Variants in C2orf49 observed in about 807,000 individuals in gnomAD.
C2orf49 encodes tRNA-splicing ligase complex subunit ASW.
A neutral mutation model predicts 20.6 loss-of-function variants in C2orf49; 11 were observed. The observed-to-expected ratio is 0.53, with a 90% confidence interval of 0.34 to 0.88. C2orf49 has a LOEUF of 0.88. Among genes scored for constraint, C2orf49 ranks in the 40% least tolerant of loss-of-function variants. C2orf49 has a pLI of 0.02. For missense variants in C2orf49, 289 were observed against 274.2 expected (o/e 1.05, Z -0.38); for synonymous variants, 134 against 108.5 (o/e 1.24, Z -1.46).
chr2:105,343,573 A>G (rs1452283757), intron 3 of C2orf49, among the ~76,000 whole-genome samples: 4 of 152,162 alleles, frequency 2.6e-5, no homozygotes, highest in African/African-American at 9.7e-5. Flanking sequence ...ACATTAAGTA[A>G]TTTGTCCAGG....
the C2orf49 span, among the ~76,000 whole-genome samples, chr2:105,356,446 G>GT: frequency 2.0e-5 from 3 of 151,926 alleles, no homozygotes; most frequent in African/African-American, 7.3e-5. Context: ...ATGGTGGTGC[G>GT]TGCCTGTAGC....
At chr2:105,381,211 T>C in the C2orf49 span, among the ~76,000 whole-genome samples, 1 of 152,214 alleles carries the variant, frequency 6.6e-6, no homozygotes, top group African/African-American at 2.4e-5. Context: ...CTCAGCGTTA[T>C]GAAAAGATAT....
At chr2:105,373,605 G>A in the C2orf49 span, 11 of 1,614,118 alleles carry the variant, frequency 6.8e-6, no homozygotes, top group South Asian at 3.3e-5. Context: ...ATGAGTACTC[G>A]TTGGAATAGC....
the C2orf49 span, among the ~76,000 whole-genome samples, chr2:105,385,631 G>A: frequency 1.3e-5 from 2 of 152,318 alleles, no homozygotes; most frequent in East Asian, 1.9e-4. Context: ...TTTAGAAGCC[G>A]TTTGCGGGTG....
chr2:105,371,922 T>A, the C2orf49 span, among the ~76,000 whole-genome samples: 4 of 152,192 alleles, frequency 2.6e-5, no homozygotes, highest in Admixed American at 2.6e-4. Context: ...TCATTTGCAC[T>A]GTCGCACAGC....
chr2:105,368,784 C>T, the C2orf49 span, among the ~76,000 whole-genome samples: 1 of 152,150 alleles, frequency 6.6e-6, no homozygotes, highest in Non-Finnish European at 1.5e-5. Context: ...AACAAGTACC[C>T]TTCATATAAA....
chr2:105,379,401 A>G, the C2orf49 span, among the ~76,000 whole-genome samples: 1 of 152,220 alleles, frequency 6.6e-6, no homozygotes, highest in Admixed American at 6.5e-5. Flanking sequence ...CTGCCACCTT[A>G]AAGCTCCACG....
At chr2:105,367,557 G>T in the C2orf49 span, 2 of 1,605,612 alleles carry the variant, frequency 1.2e-6, no homozygotes, top group Non-Finnish European at 1.7e-6. Flanking sequence ...GGCCAAGGGG[G>T]CATCTGAGAT....
rs1456088385 is a variant in C2orf49, at chr2:105,348,990, C to T, written c.*3619C>T. On this transcript the variant is annotated 3_prime_UTR_variant, in exon 4 of 4. Coordinates refer to ENST00000258457, the MANE Select transcript of C2orf49 (RefSeq NM_024093.3). Reference sequence around the variant, plus strand: ...CTGGTGCTGGGATATCACGGTGCTACAGAGCCTGACATGTTGACTGTCACT... The same window carrying T: ...CTGGTGCTGGGATATCACGGTGCTATAGAGCCTGACATGTTGACTGTCACT... The T allele has an allele frequency of 6.6e-6, 1 of 152,068 alleles. No homozygotes were observed. The highest frequency in any genetic ancestry group is 2.4e-5 in the African/African-American group (1 of 41,376). The allele number at this position is 152,068 out of a possible 1,614,324, so 9.4% of individuals were successfully genotyped here.
At chr2:105,371,933 A>G in the C2orf49 span, among the ~76,000 whole-genome samples, 3 of 152,108 alleles carry the variant, frequency 2.0e-5, no homozygotes, top group Non-Finnish European at 4.4e-5. Flanking sequence ...GTCGCACAGC[A>G]CTGGGGCCCG....
chr2:105,342,938 G>C lies in C2orf49; in HGVS notation c.357G>C (p.Glu119Asp), dbSNP rs774752002. The change falls in exon 3 of 4, where the codon GAG becomes GAC. Residue 119 changes from glutamate to aspartate, a missense_variant. Physicochemically the swap from Glu to Asp is conservative, Grantham distance 45. Transcript: ENST00000258457. ...TSTSIKVKKTENGDNDRLKPP... is the reference protein window; with the variant it reads ...TSTSIKVKKTDNGDNDRLKPP... ...CAAGCATAAAAGTGAAAAAGACAGA[G>C]AATGGAGATAATGATCGACTGAAGC... The C allele has an allele frequency of 1.2e-6, 2 of 1,614,194 alleles. No homozygotes were observed. Among genetic ancestry groups the C allele is most frequent in the East Asian group, 4.5e-5 (2 of 44,884 alleles).
chr2:105,345,251 G>A (rs1239681982), intron 3 of C2orf49, 64 bp from the exon 4 acceptor site: 2 of 1,419,952 alleles, frequency 1.4e-6, no homozygotes, highest in Non-Finnish European at 9.8e-7. Context: ...TGTTTGAAAT[G>A]TTCATTTTAG....
intron 2 of C2orf49, among the ~76,000 whole-genome samples, chr2:105,342,172 CAA>C (rs1679688755): frequency 6.6e-6 from 1 of 152,178 alleles, no homozygotes; most frequent in Admixed American, 6.5e-5. Context: ...AACTCCGTCT[CAA>C]AAATAAATTT....
chr2:105,378,159 T>A, the C2orf49 span: 1 of 471,076 alleles, frequency 2.1e-6, no homozygotes, highest in Admixed American at 2.3e-5. Context: ...TGCACATGGG[T>A]CCAAGGCACT....
In C2orf49 at chr2:105,347,820, C is replaced by T. The variant is rs1300790213; in HGVS notation, c.*2449C>T. 1 of 152,190 alleles carries T rather than the reference C, an allele frequency of 6.6e-6. No individual in the cohort carries two copies. Among genetic ancestry groups the T allele is most frequent in the Non-Finnish European group, 1.5e-5 (1 of 68,042 alleles). 9.4% of individuals were successfully genotyped at this position (152,190 alleles called of 1,614,324 possible). ...AGAACTTGATATGTATGGCAAACAACTTTAGAATACTAGTTACTCACTAAC... is the reference window on the plus strand; with the variant it reads ...AGAACTTGATATGTATGGCAAACAATTTTAGAATACTAGTTACTCACTAAC... On this transcript the variant is annotated 3_prime_UTR_variant, in exon 4 of 4. Transcript: ENST00000258457.
chr2:105,362,104 A>G, the C2orf49 span, among the ~76,000 whole-genome samples: 4 of 152,342 alleles, frequency 2.6e-5, no homozygotes, highest in South Asian at 8.3e-4. Flanking sequence ...TTTTATATAG[A>G]TTGTATCACT....
Position 105,349,024 on chromosome 2 carries a change from A to C in C2orf49, c.*3653A>C, listed in dbSNP as rs1679879937. On this transcript the variant is annotated 3_prime_UTR_variant, in exon 4 of 4. Coordinates refer to ENST00000258457, the MANE Select transcript of C2orf49 (RefSeq NM_024093.3). ...ACATGTTGACTGTCACTACATGTTG[A>C]GGGATGGAAATAGAAGTCTCTGAAC... 1 of 152,124 alleles carries C rather than the reference A, an allele frequency of 6.6e-6. No homozygotes were observed. The allele number at this position is 152,124 out of a possible 1,614,324, so 9.4% of individuals were successfully genotyped here.
chr2:105,363,224 A>G, the C2orf49 span: 1 of 1,553,602 alleles, frequency 6.4e-7, no homozygotes, highest in Non-Finnish European at 8.8e-7. Flanking sequence ...CACAGGCTAA[A>G]ATGCTAGGCC....
chr2:105,355,448 T>C, the C2orf49 span, among the ~76,000 whole-genome samples: 1 of 152,112 alleles, frequency 6.6e-6, no homozygotes, highest in African/African-American at 2.4e-5. Context: ...GGATAACTTT[T>C]TAAAGGTAGT....
Sources: allele counts gnomAD v4.1 joint callset (sites outside exome capture counted in the v4.1 genomes callset), GRCh38; gene constraint gnomAD v4.1.1; transcripts MANE v1.5; gene names NCBI Gene and HGNC (gene_info 2026-07-23, HGNC 2026-07-21).